CHST9: variants seen among roughly 807,000 people sequenced by gnomAD.
CHST9 encodes GalNAc-4-sulfotransferase 2.
A neutral mutation model predicts 44.4 loss-of-function variants in CHST9; 41 were observed. The observed-to-expected ratio is 0.92, with a 90% CI of 0.72 to 1.20. The LOEUF (loss-of-function observed/expected upper bound fraction) is 1.20. Among genes scored for constraint, CHST9 ranks in the 50% most tolerant of loss-of-function variants. The pLI is 0.00. For synonymous variants in CHST9, 171 were observed against 178.4 expected, an observed-to-expected ratio of 0.96 and a Z score of 0.33; for missense variants, 504 against 516.5, an observed-to-expected ratio of 0.98 and a Z score of 0.23.
At position 27,041,149 on chromosome 18, in the gene CHST9, T is replaced by C. The variant is rs573336353; in HGVS notation, c.160+7316A>G. The stretch of plus-strand genomic sequence containing the variant: ...ACACATACATATGAGCCTAATAGCA[T>C]GAGCCCAATTTTGTCAAGACCTGCT... On this transcript the variant is annotated intron_variant, in intron 3 of 5. Coordinates refer to ENST00000618847, the MANE Select transcript of CHST9 (RefSeq NM_031422.6). Among the ~76,000 whole-genome samples, 3 of 152,236 alleles carry C rather than the reference T, an allele frequency of 2.0e-5. No homozygotes were observed. The South Asian group carries it at 6.2e-4, about 32-fold the overall frequency.
intron 3 of CHST9, among the ~76,000 whole-genome samples, chr18:27,031,616 C>A (rs1028399894): frequency 1.3e-5 from 2 of 152,170 alleles, no homozygotes; most frequent in Admixed American, 6.5e-5. Context: ...TGCTACACTC[C>A]TCTCCAAAAA....
At chr18:26,987,389 A>AT (rs966333963) in intron 4 of CHST9, among the ~76,000 whole-genome samples, 7 of 152,052 alleles carry the variant, frequency 4.6e-5, no homozygotes, top group Non-Finnish European at 7.4e-5. Context: ...CCAAATAAAC[A>AT]TTTTTTCTTT....
intron 1 of CHST9, among the ~76,000 whole-genome samples, chr18:27,163,421 A>G (rs1341018271): frequency 6.6e-6 from 1 of 152,194 alleles, no homozygotes; most frequent in East Asian, 1.9e-4. Context: ...GGTGGAGTCT[A>G]CAGAGGCAGG....
chr18:27,161,546 T>C (rs2058747142), intron 1 of CHST9, among the ~76,000 whole-genome samples: 1 of 152,204 alleles, frequency 6.6e-6, no homozygotes, highest in African/African-American at 2.4e-5. Flanking sequence ...TGGTCAATTT[T>C]GGAATAAGTG....
At chr18:26,924,216 GAA>G (rs1351597185) in intron 5 of CHST9, among the ~76,000 whole-genome samples, 1 of 152,170 alleles carries the variant, frequency 6.6e-6, no homozygotes, top group Admixed American at 6.5e-5. Context: ...AATGGGGTAA[GAA>G]TGAAGAAAAA....
chr18:27,048,518 G>T lies in CHST9; in HGVS notation c.122-15C>A. ...CTCCACTCTCCCTGAAATGAGAAGT[G>T]GAAGATAAGTTACAGCATGGAGTCA... is the stretch of plus-strand genomic sequence containing the variant. On this transcript the variant is annotated splice_polypyrimidine_tract_variant and intron_variant, in intron 2 of 5. Coordinates refer to ENST00000618847, the MANE Select transcript of CHST9 (RefSeq NM_031422.6). The T allele has an allele frequency of 6.3e-7, 1 of 1,598,358 alleles. No individual in the cohort carries two copies.
At chr18:26,942,342 T>G (rs1012846888) in intron 5 of CHST9, among the ~76,000 whole-genome samples, 1 of 152,210 alleles carries the variant, frequency 6.6e-6, no homozygotes, top group Non-Finnish European at 1.5e-5. Flanking sequence ...AAGCAATGAT[T>G]GAAGGAGACG....
intron 4 of CHST9, among the ~76,000 whole-genome samples, chr18:26,965,702 G>T (rs918521742): frequency 3.9e-5 from 6 of 152,180 alleles, no homozygotes; most frequent in Non-Finnish European, 5.9e-5. Flanking sequence ...CTTAACACAT[G>T]TTCACTCTCC....
intron 4 of CHST9, among the ~76,000 whole-genome samples, chr18:26,960,444 C>T (rs1024228662): frequency 2.6e-5 from 4 of 152,182 alleles, no homozygotes; most frequent in African/African-American, 9.7e-5. Context: ...GGTGTAAGAG[C>T]TTAAGTTCTC....
chr18:26,973,844 G>T (rs902085634), intron 4 of CHST9, among the ~76,000 whole-genome samples: 1 of 152,064 alleles, frequency 6.6e-6, no homozygotes, highest in Admixed American at 6.5e-5. Flanking sequence ...TGGTGCCTAC[G>T]GGCTCAAGGA....
chr18:27,044,398 G>A (rs938440889), intron 3 of CHST9, among the ~76,000 whole-genome samples: 2 of 151,962 alleles, frequency 1.3e-5, no homozygotes, highest in African/African-American at 4.8e-5. Flanking sequence ...GGTGCCTGAA[G>A]TGCTGTCAAG....
chr18:27,027,598 T>C (rs2057296648), intron 3 of CHST9, among the ~76,000 whole-genome samples: 1 of 152,350 alleles, frequency 6.6e-6, no homozygotes, highest in South Asian at 2.1e-4. Flanking sequence ...CTAACATGGA[T>C]TGAATGCTTA....
intron 2 of CHST9, among the ~76,000 whole-genome samples, chr18:27,112,059 C>T (rs879446166): frequency 4.0e-5 from 6 of 149,338 alleles, no homozygotes; most frequent in Non-Finnish European, 7.4e-5. Context: ...TAAAAATATA[C>T]ATATAGATAT....
At chr18:27,079,802 A>G (rs2057943070) in intron 2 of CHST9, among the ~76,000 whole-genome samples, 1 of 152,122 alleles carries the variant, frequency 6.6e-6, no homozygotes, top group Non-Finnish European at 1.5e-5. Flanking sequence ...CAGCTTCTAG[A>G]GGCGGCCTAT....
In CHST9 at chr18:27,002,485, CT is replaced by C. The variant is rs969485500; in HGVS notation, c.202+21630del. On this transcript the variant is annotated intron_variant, in intron 4 of 5. Coordinates refer to ENST00000618847, the MANE Select transcript of CHST9 (RefSeq NM_031422.6). The stretch of plus-strand genomic sequence containing the variant: ...CTATATCCATTCAGCAGAAATTGTA[CT>C]TTTGAGTACTCATGTAACCATTCTG... Among the ~76,000 whole-genome samples, 86 of 152,136 alleles carry C rather than the reference CT, an allele frequency of 5.7e-4. 1 individual carries two copies. Among genetic ancestry groups the C allele is most frequent in the Non-Finnish European group, 1.9e-4 (13 of 68,018 alleles).
intron 1 of CHST9, among the ~76,000 whole-genome samples, chr18:27,145,007 C>A (rs2058599935): frequency 6.6e-6 from 1 of 151,838 alleles, no homozygotes; most frequent in Non-Finnish European, 1.5e-5. Context: ...AAATAAAAAA[C>A]CAGTTCTCAA....
intron 4 of CHST9, among the ~76,000 whole-genome samples, chr18:27,018,881 T>C (rs2057186425): frequency 6.6e-6 from 1 of 152,116 alleles, no homozygotes; most frequent in African/African-American, 2.4e-5. Context: ...ACTTATGAGA[T>C]GGGTACCGGC....
chr18:26,956,226 T>G (rs962180522), intron 4 of CHST9, among the ~76,000 whole-genome samples: 1 of 149,974 alleles, frequency 6.7e-6, no homozygotes, highest in Non-Finnish European at 1.5e-5. Flanking sequence ...GAAGGAGAAT[T>G]GCTTGAATCC....
At chr18:27,058,831 C>T (rs958215939) in intron 2 of CHST9, among the ~76,000 whole-genome samples, 1 of 152,134 alleles carries the variant, frequency 6.6e-6, no homozygotes, top group Non-Finnish European at 1.5e-5. Context: ...CACAAAACTG[C>T]AAGCAAAATA....
Sources: allele counts gnomAD v4.1 joint callset (sites outside exome capture counted in the v4.1 genomes callset), GRCh38; gene constraint gnomAD v4.1.1; transcripts MANE v1.5; gene names NCBI Gene and HGNC (gene_info 2026-07-23, HGNC 2026-07-21).